The following MED19 variants were observed in gnomAD, a reference collection of about 807,000 sequenced individuals.
The protein encoded by MED19 is mediator complex subunit 19, also known as mediator of RNA polymerase II transcription subunit 19.
MED19 carries 4 observed loss-of-function variants against 19.9 expected under a neutral mutation model. The ratio of observed to expected loss-of-function variants is 0.20; its 90% confidence interval spans 0.10 to 0.46. The LOEUF is 0.46. Among genes scored for constraint, MED19 ranks in the 20% least tolerant of loss-of-function variants. The pLI is 0.99. For missense variants in MED19, 303 were observed against 318.7 expected (o/e 0.95, Z 0.38); for synonymous variants, 139 against 119.6 (o/e 1.16, Z -1.06).
chr11:57,711,948 A>G lies in MED19; in HGVS notation c.217+15T>C. 7.1e-7 allele frequency: 1 copy of G among 1,409,074 alleles called. No homozygotes were observed. The highest frequency in any genetic ancestry group is 9.3e-7 in the Non-Finnish European group (1 of 1,074,544). The allele number at this position is 1,409,074 out of a possible 1,614,324, so 87.3% of individuals were successfully genotyped here. A position where few individuals can be genotyped will look rare whatever the true frequency, so the allele number is the denominator to read the frequency against. On this transcript the variant is annotated intron_variant, in intron 1 of 4. Coordinates refer to ENST00000431606, the Ensembl canonical transcript of MED19. ...AAGATTTGATTGGCTGGCTTTGGCA[A>G]GGCCGAGTACTCACCTGGCAGTTCC...
intron 1 of MED19, among the ~76,000 whole-genome samples, chr11:57,705,871 A>C (rs1293614764): frequency 6.6e-6 from 1 of 152,184 alleles, no homozygotes; most frequent in African/African-American, 2.4e-5. Flanking sequence ...AGTGTTTCTC[A>C]TAAAATGTAT....
intron 1 of MED19, 95 bp downstream of exon 1, chr11:57,711,868 G>A: frequency 1.5e-6 from 2 of 1,334,440 alleles, no homozygotes; most frequent in South Asian, 3.7e-5. Context: ...GCGTTGCCTA[G>A]GTTACCTCGC....
intron 1 of MED19, 115 bp downstream of exon 1, chr11:57,711,848 G>A: frequency 3.4e-6 from 4 of 1,183,340 alleles, no homozygotes; most frequent in Non-Finnish European, 4.5e-6. Context: ...GGGCTCCACA[G>A]TCCGGGTATG....
chr11:57,704,876 A>AT, intron 2 of MED19, 61 bp from the exon 3 acceptor site: 1 of 1,608,916 alleles, frequency 6.2e-7, no homozygotes, highest in Non-Finnish European at 8.5e-7. Context: ...TGCTCTTATC[A>AT]TCCATTCTGC....
exon 1 of MED19, chr11:57,712,077 G>A: frequency 6.5e-7 from 1 of 1,531,110 alleles, no homozygotes; most frequent in Non-Finnish European, 8.8e-7. Flanking sequence ...CCGCCCGCAG[G>A]AGGCGGTGGC....
intron 1 of MED19, among the ~76,000 whole-genome samples, chr11:57,708,007 A>AT (rs1175604359): frequency 6.6e-6 from 1 of 151,772 alleles, no homozygotes. Context: ...TAATTTTTGT[A>AT]TTTTTTGTAG....
At chr11:57,705,651 C>CAA (rs557485819) in intron 1 of MED19, among the ~76,000 whole-genome samples, 8 of 57,952 alleles carry the variant, frequency 1.4e-4, no homozygotes, top group Admixed American at 1.9e-4. Context: ...GACTCTGTCT[C>CAA]AAAAAAAAAA....
chr11:57,704,675 T>G (rs1946486183), intron 3 of MED19, 44 bp downstream of exon 3: 1 of 1,472,858 alleles, frequency 6.8e-7, no homozygotes, highest in Non-Finnish European at 9.1e-7. Flanking sequence ...TCAGGTTTTT[T>G]TTTTTTTTTT....
At chr11:57,711,631 G>A (rs1209526921) in intron 1 of MED19, among the ~76,000 whole-genome samples, 2 of 152,220 alleles carry the variant, frequency 1.3e-5, no homozygotes, top group East Asian at 3.9e-4. Context: ...TGGGATTACA[G>A]GCGTGAGCCA....
chr11:57,708,931 T>C (rs945068350), intron 1 of MED19, among the ~76,000 whole-genome samples: 3 of 152,236 alleles, frequency 2.0e-5, no homozygotes, highest in Non-Finnish European at 2.9e-5. Flanking sequence ...TTATAAAATG[T>C]AGACAGTAAT....
At chr11:57,711,244 A>G (rs536676677) in intron 1 of MED19, among the ~76,000 whole-genome samples, 33 of 152,332 alleles carry the variant, frequency 2.2e-4, no homozygotes, top group Admixed American at 1.9e-3. Flanking sequence ...GAACCTTAGA[A>G]GGAAGAATGG....
intron 1 of MED19, among the ~76,000 whole-genome samples, chr11:57,707,070 C>T (rs1327072705): frequency 3.3e-5 from 5 of 151,860 alleles, no homozygotes; most frequent in East Asian, 1.9e-4. Context: ...TGGTGGCATG[C>T]GCCTGTAGTC....
chr11:57,704,877 T>A, intron 2 of MED19, 62 bp from the exon 3 acceptor site: 1 of 1,607,336 alleles, frequency 6.2e-7, no homozygotes, highest in Non-Finnish European at 8.5e-7. Flanking sequence ...GCTCTTATCA[T>A]CCATTCTGCT....
At chr11:57,712,099 C>T (rs1946639822) in exon 1 of MED19, 1 of 1,526,662 alleles carries the variant, frequency 6.6e-7, no homozygotes, top group Non-Finnish European at 8.8e-7. Flanking sequence ...GGGGTGGAGG[C>T]TTTCCTGGTC....
chr11:57,711,615 G>C (rs147024095), intron 1 of MED19, among the ~76,000 whole-genome samples: 1 of 152,068 alleles, frequency 6.6e-6, no homozygotes, highest in Non-Finnish European at 1.5e-5. Flanking sequence ...CCGCCTCCCA[G>C]AGTGTTGGGA....
At chr11:57,704,043 G>A (rs1311611160) in exon 5 of MED19, 3 of 1,536,146 alleles carry the variant, frequency 2.0e-6, no homozygotes, top group Non-Finnish European at 1.7e-6. Context: ...TCCTATTAGC[G>A]TAGGCTGCTG....
chr11:57,704,822 G>A lies in MED19; in HGVS notation c.475-7C>T. The A allele has an allele frequency of 6.2e-7, 1 of 1,613,500 alleles. No individual in the cohort carries two copies. Among genetic ancestry groups the A allele is most frequent in the South Asian group, 1.1e-5 (1 of 91,046 alleles). On this transcript the variant is annotated splice_region_variant and splice_polypyrimidine_tract_variant and intron_variant, in intron 2 of 4. Transcript: ENST00000431606. ...GACGACACTGCTCCGGCAACTGAAGGAACCAAAGGAAGGTCCAGGTGAGTA... is the reference window on the plus strand; with the variant it reads ...GACGACACTGCTCCGGCAACTGAAGAAACCAAAGGAAGGTCCAGGTGAGTA...
At chr11:57,711,517 G>A (rs1946605186) in intron 1 of MED19, among the ~76,000 whole-genome samples, 1 of 151,974 alleles carries the variant, frequency 6.6e-6, no homozygotes, top group Admixed American at 6.6e-5. Context: ...CCACGCCCAG[G>A]TAATTTTTGT....
chr11:57,708,762 T>C (rs1247324962), intron 1 of MED19, among the ~76,000 whole-genome samples: 1 of 152,084 alleles, frequency 6.6e-6, no homozygotes, highest in African/African-American at 2.4e-5. Flanking sequence ...ACACCCAGCA[T>C]TTGCCCAGAA....
Sources: gnomAD v4.1 joint callset for allele counts (sites outside exome capture counted in the v4.1 genomes callset) on GRCh38, gnomAD v4.1.1 for gene constraint, MANE v1.5 for transcripts, NCBI Gene and HGNC (gene_info 2026-07-23, HGNC 2026-07-21) for gene names.